Variants in PDZRN4 observed in about 807,000 individuals in gnomAD.
The protein encoded by PDZRN4 is PDZ domain containing ring finger 4, also known as PDZ domain-containing RING finger protein 4.
In PDZRN4, 70 loss-of-function variants were observed where a neutral mutation model predicts 99.0. The observed-to-expected ratio is 0.71, with a 90% CI of 0.58 to 0.86. The LOEUF is 0.86. Among genes scored for constraint, PDZRN4 ranks in the 40% least tolerant of loss-of-function variants. The pLI is 0.00. For missense variants in PDZRN4, 1,474 were observed against 1,331.2 expected (o/e 1.11, Z -1.67); for synonymous variants, 551 against 501.6 (o/e 1.10, Z -1.32).
chr12:41,311,447 G>A (rs1157391760), intron 3 of PDZRN4, among the ~76,000 whole-genome samples: 1 of 152,098 alleles, frequency 6.6e-6, no homozygotes, highest in African/African-American at 2.4e-5. Flanking sequence ...AGTAAGTTCA[G>A]GTGGGCCTGA....
At chr12:41,524,711 G>A (rs1271705871) in intron 5 of PDZRN4, among the ~76,000 whole-genome samples, 2 of 152,078 alleles carry the variant, frequency 1.3e-5, no homozygotes, top group African/African-American at 4.8e-5. Context: ...ATTTAAGAAG[G>A]AAACAGCATG....
intron 5 of PDZRN4, among the ~76,000 whole-genome samples, chr12:41,519,334 C>T: frequency 6.6e-6 from 1 of 152,024 alleles, no homozygotes; most frequent in East Asian, 1.9e-4. Flanking sequence ...TTAGAGATCA[C>T]CTCTAATCCT....
chr12:41,362,130 G>A (rs1205517332), intron 3 of PDZRN4, among the ~76,000 whole-genome samples: 2 of 151,940 alleles, frequency 1.3e-5, no homozygotes, highest in African/African-American at 4.8e-5. Context: ...TTAAACAGAA[G>A]AGTCCTTGAA....
chr12:41,493,906 G>C (rs575718233), intron 3 of PDZRN4, among the ~76,000 whole-genome samples: 1 of 148,314 alleles, frequency 6.7e-6, no homozygotes, highest in Non-Finnish European at 1.5e-5. Flanking sequence ...AATAATGGGG[G>C]GGGGGATTCT....
chr12:41,241,556 C>T (rs989673988), intron 3 of PDZRN4, among the ~76,000 whole-genome samples: 9 of 151,014 alleles, frequency 6.0e-5, no homozygotes, highest in Non-Finnish European at 1.0e-4. Flanking sequence ...ATCTCAGTTC[C>T]CTCATCTATA....
At chr12:41,450,279 T>C (rs1026084999) in intron 3 of PDZRN4, among the ~76,000 whole-genome samples, 7 of 152,186 alleles carry the variant, frequency 4.6e-5, no homozygotes, top group African/African-American at 1.7e-4. Context: ...AAAATAAAGA[T>C]AATCTCCCCT....
intron 3 of PDZRN4, among the ~76,000 whole-genome samples, chr12:41,449,921 A>G (rs894500811): frequency 6.6e-6 from 1 of 151,976 alleles, no homozygotes; most frequent in African/African-American, 2.4e-5. Flanking sequence ...GATTTTATAT[A>G]CACTCCTCTT....
intron 3 of PDZRN4, among the ~76,000 whole-genome samples, chr12:41,413,487 A>G (rs1280069799): frequency 6.6e-6 from 1 of 152,144 alleles, no homozygotes; most frequent in Non-Finnish European, 1.5e-5. Flanking sequence ...ATAATACTAT[A>G]CTATATAGTT....
At chr12:41,299,883 T>C (rs560633115) in intron 3 of PDZRN4, among the ~76,000 whole-genome samples, 2 of 152,130 alleles carry the variant, frequency 1.3e-5, no homozygotes, top group South Asian at 2.1e-4. Context: ...AATACTATTT[T>C]ATGATGCTTT....
intron 3 of PDZRN4, among the ~76,000 whole-genome samples, chr12:41,353,508 GAACTTGGAATCAC>G (rs1462136764): frequency 6.6e-6 from 1 of 152,078 alleles, no homozygotes; most frequent in African/African-American, 2.4e-5. Flanking sequence ...ACTTGTCTGG[GAACTTGGAATCAC>G]AACCTAGTTG....
chr12:41,416,273 T>C (rs748869462), intron 3 of PDZRN4, among the ~76,000 whole-genome samples: 5 of 152,218 alleles, frequency 3.3e-5, no homozygotes, highest in Admixed American at 6.5e-5. Context: ...ATTTTTCTTC[T>C]GTTGTAAATA....
At chr12:41,450,617 C>T (rs1301562904) in intron 3 of PDZRN4, among the ~76,000 whole-genome samples, 1 of 152,112 alleles carries the variant, frequency 6.6e-6, no homozygotes, top group Admixed American at 6.6e-5. Flanking sequence ...GATAAATTTA[C>T]TCAAACTTCA....
At chr12:41,248,801 A>G (rs111262285) in intron 3 of PDZRN4, among the ~76,000 whole-genome samples, 4,978 of 152,218 alleles carry the variant, frequency 0.033, 148 homozygotes, top group East Asian at 0.12. Context: ...ATTGCATTGT[A>G]ATGTAGCATT....
At chr12:41,406,518 T>C (rs1332556925) in intron 3 of PDZRN4, among the ~76,000 whole-genome samples, 1 of 152,158 alleles carries the variant, frequency 6.6e-6, no homozygotes, top group East Asian at 1.9e-4. Context: ...GACTTCTCAT[T>C]ATCAATCTGT....
intron 3 of PDZRN4, among the ~76,000 whole-genome samples, chr12:41,476,586 G>A (rs541871615): frequency 5.3e-5 from 8 of 152,216 alleles, no homozygotes; most frequent in Admixed American, 2.6e-4. Context: ...GCTCCTACCC[G>A]AGGAACACCT....
chr12:41,385,287 C>A (rs1041923841), intron 3 of PDZRN4, among the ~76,000 whole-genome samples: 1 of 152,058 alleles, frequency 6.6e-6, no homozygotes, highest in Non-Finnish European at 1.5e-5. Flanking sequence ...ATGAAGGAGG[C>A]AATGGACATG....
chr12:41,237,527 C>T (rs886871448), intron 3 of PDZRN4, among the ~76,000 whole-genome samples: 3 of 152,046 alleles, frequency 2.0e-5, no homozygotes, highest in African/African-American at 7.2e-5. Context: ...ACATTTTTGT[C>T]ATGAAATATT....
At chr12:41,322,591 C>T (rs1033588091) in intron 3 of PDZRN4, among the ~76,000 whole-genome samples, 29 of 136,564 alleles carry the variant, frequency 2.1e-4, no homozygotes, top group Non-Finnish European at 7.7e-5. Context: ...CCCTGGTTCA[C>T]GCCATTCTCC....
chr12:41,374,184 T>G (rs1952063460), intron 3 of PDZRN4, among the ~76,000 whole-genome samples: 1 of 151,806 alleles, frequency 6.6e-6, no homozygotes, highest in Admixed American at 6.6e-5. Context: ...AGTCATAACA[T>G]GTGTGGGGTG....
Sources: allele counts gnomAD v4.1 joint callset (sites outside exome capture counted in the v4.1 genomes callset), GRCh38; gene constraint gnomAD v4.1.1; transcripts MANE v1.5; gene names NCBI Gene and HGNC (gene_info 2026-07-23, HGNC 2026-07-21).